Variants in CAMK2A observed in about 807,000 individuals in gnomAD.
CAMK2A encodes calcium/calmodulin-dependent protein kinase type II subunit alpha.
A neutral mutation model predicts 79.2 loss-of-function variants in CAMK2A; 7 were observed. That is an observed-to-expected ratio of 0.09 (90% CI 0.05 to 0.17). The LOEUF (loss-of-function observed/expected upper bound fraction) is 0.17. Ranked by LOEUF, CAMK2A falls within the 10% of genes least tolerant of loss-of-function variation. The pLI is 1.00. For missense variants in CAMK2A, 214 were observed against 646.4 expected, an observed-to-expected ratio of 0.33 and a Z score of 7.25; for synonymous variants, 242 against 251.7, an observed-to-expected ratio of 0.96 and a Z score of 0.36.
At chr5:150,245,225 G>T (rs766130269) in intron 12 of CAMK2A, 24 bp from the exon 13 acceptor site, 4 of 1,612,944 alleles carry the variant, frequency 2.5e-6, no homozygotes, top group Non-Finnish European at 2.5e-6. Flanking sequence ...AAAGTAGAGG[G>T]TTAACAACGC....
At chr5:150,254,196 G>T (rs895209081) in intron 6 of CAMK2A, among the ~76,000 whole-genome samples, 1 of 152,114 alleles carries the variant, frequency 6.6e-6, no homozygotes, top group African/African-American at 2.4e-5. Flanking sequence ...CTGTGTCTTT[G>T]CTCCTGTTGT....
At chr5:150,286,986 G>A (rs141255024) in intron 1 of CAMK2A, among the ~76,000 whole-genome samples, 417 of 152,352 alleles carry the variant, frequency 2.7e-3, no homozygotes, top group Non-Finnish European at 4.8e-3. Flanking sequence ...ACAGGTGGGG[G>A]TAAAGAGGTA....
chr5:150,270,669 G>A (rs1756711898), intron 2 of CAMK2A, among the ~76,000 whole-genome samples: 1 of 151,618 alleles, frequency 6.6e-6, no homozygotes, highest in Non-Finnish European at 1.5e-5. Context: ...CTCTCCCGCT[G>A]GGAAGAAAAG....
Position 150,284,665 on chromosome 5 carries a change from AC to A in CAMK2A, c.62+4898del, listed in dbSNP as rs1757351111. 6.6e-6 allele frequency among the ~76,000 whole-genome samples: 1 copy of A among 152,042 alleles called. No homozygotes were observed. Among genetic ancestry groups the A allele is most frequent in the Admixed American group, 6.5e-5 (1 of 15,286 alleles). On this transcript the variant is annotated intron_variant, in intron 1 of 18. Coordinates refer to ENST00000671881, the MANE Select transcript of CAMK2A (RefSeq NM_015981.4). This position sits in a 1 kb window ranked among gnomAD's most constrained non-coding sequence, Gnocchi z 5.3. The stretch of plus-strand genomic sequence containing the variant: ...AGCTCGTCCCTTCCCTGTTCCTGCC[AC>A]CCTTTCCTTGAGGTCCTGCCCCTCA...
chr5:150,257,647 G>A (rs1047685582), intron 3 of CAMK2A, 30 bp from the exon 4 acceptor site: 3 of 1,543,984 alleles, frequency 1.9e-6, no homozygotes, highest in Middle Eastern at 1.7e-4. Context: ...GTTGGTTACA[G>A]TGGGACACAC....
intron 1 of CAMK2A, among the ~76,000 whole-genome samples, chr5:150,276,792 G>A (rs529754009): frequency 6.6e-6 from 1 of 152,280 alleles, no homozygotes; most frequent in African/African-American, 2.4e-5. Flanking sequence ...GTGGATGGAG[G>A]GATAGAGGAA....
Position 150,228,291 on chromosome 5 carries a change from G to C in CAMK2A, c.1143-5C>G, listed in dbSNP as rs755573671. ...ATGCCAGGGTCGCACATCTTCCTGGGGGAAAGAAGCCAGAGGGAAGAGGGA... is the reference window on the plus strand; with the variant it reads ...ATGCCAGGGTCGCACATCTTCCTGGCGGAAAGAAGCCAGAGGGAAGAGGGA... On this transcript the variant is annotated splice_polypyrimidine_tract_variant and splice_region_variant and intron_variant, in intron 16 of 18. Coordinates refer to ENST00000671881, the MANE Select transcript of CAMK2A (RefSeq NM_015981.4). 1 of 1,611,698 alleles carries C rather than the reference G, an allele frequency of 6.2e-7. No homozygotes were observed. The highest frequency in any genetic ancestry group is 8.5e-7 in the Non-Finnish European group (1 of 1,178,332).
At chr5:150,249,948 CT>C (rs1755757116) in intron 11 of CAMK2A, among the ~76,000 whole-genome samples, 4 of 152,212 alleles carry the variant, frequency 2.6e-5, no homozygotes, top group Admixed American at 2.6e-4. Context: ...CATTGTCCTG[CT>C]GCATTCTGCC....
rs146936266 is a variant in CAMK2A, at chr5:150,284,410, C to T, written c.62+5154G>A. Among the ~76,000 whole-genome samples, 870 of 152,210 alleles carry T rather than the reference C, an allele frequency of 5.7e-3. 5 individuals carry two copies. Among genetic ancestry groups the T allele is most frequent in the Non-Finnish European group, 9.2e-3 (627 of 67,998 alleles). On this transcript the variant is annotated intron_variant, in intron 1 of 18. Transcript: ENST00000671881. This position sits in a 1 kb window ranked among gnomAD's most constrained non-coding sequence, Gnocchi z 5.3. ...GCGAGTGTTGCACTCCGAGGCTCTGCCCTCACCCCACAGAGAGGGCCATGG... is the reference window on the plus strand; with the variant it reads ...GCGAGTGTTGCACTCCGAGGCTCTGTCCTCACCCCACAGAGAGGGCCATGG...
At chr5:150,247,213 G>T (rs889965998) in intron 12 of CAMK2A, among the ~76,000 whole-genome samples, 1 of 152,246 alleles carries the variant, frequency 6.6e-6, no homozygotes, top group African/African-American at 2.4e-5. Context: ...ACTTGCCCTG[G>T]GTTTGGTCAA....
At chr5:150,254,539 G>T (rs1755971041) in intron 6 of CAMK2A, among the ~76,000 whole-genome samples, 1 of 152,164 alleles carries the variant, frequency 6.6e-6, no homozygotes, top group Admixed American at 6.5e-5. Flanking sequence ...GCCAGCAGCT[G>T]ACTTGGGAAG....
chr5:150,276,493 G>A (rs1756950577), intron 1 of CAMK2A, among the ~76,000 whole-genome samples: 1 of 152,228 alleles, frequency 6.6e-6, no homozygotes. Context: ...AGTCATCTAA[G>A]GAAGGTGGGG....
chr5:150,285,962 T>C (rs558991959), intron 1 of CAMK2A, among the ~76,000 whole-genome samples: 1 of 152,174 alleles, frequency 6.6e-6, no homozygotes, highest in South Asian at 2.1e-4. Flanking sequence ...CCCTGGGCCA[T>C]CTGCTGCATC....
At chr5:150,231,276 G>A (rs751150339) in intron 16 of CAMK2A, 29 bp downstream of exon 16, 9 of 1,400,630 alleles carry the variant, frequency 6.4e-6, no homozygotes, top group Non-Finnish European at 8.9e-6. Context: ...ATCCAGGCAG[G>A]ACATGCAGAA....
chr5:150,253,422 T>G, intron 7 of CAMK2A, 22 bp downstream of exon 7: 1 of 1,583,516 alleles, frequency 6.3e-7, no homozygotes, highest in Non-Finnish European at 8.7e-7. Flanking sequence ...CCCCAACACT[T>G]CTGCCAGCCC....
intron 1 of CAMK2A, among the ~76,000 whole-genome samples, chr5:150,283,199 C>T (rs1207975156): frequency 6.6e-6 from 1 of 152,190 alleles, no homozygotes; most frequent in African/African-American, 2.4e-5. Context: ...GACCCAGCAT[C>T]TGGAAATTGG....
chr5:150,270,048 G>A (rs1756676404), intron 2 of CAMK2A, among the ~76,000 whole-genome samples: 3 of 152,220 alleles, frequency 2.0e-5, no homozygotes, highest in Admixed American at 2.0e-4. Flanking sequence ...AGCTGCACCA[G>A]CCTCATGCAT....
At chr5:150,228,706 G>A (rs904247950) in intron 16 of CAMK2A, among the ~76,000 whole-genome samples, 2 of 152,258 alleles carry the variant, frequency 1.3e-5, no homozygotes, top group South Asian at 2.1e-4. Flanking sequence ...CTGTGGGGTC[G>A]GGATGGGGGA....
chr5:150,240,266 G>C (rs1755279724), intron 13 of CAMK2A, among the ~76,000 whole-genome samples: 3 of 152,204 alleles, frequency 2.0e-5, no homozygotes, highest in Non-Finnish European at 4.4e-5. Context: ...TGAGGAGTTT[G>C]ATAACTAGGT....
Sources: allele counts gnomAD v4.1 joint callset (sites outside exome capture counted in the v4.1 genomes callset), GRCh38; gene constraint gnomAD v4.1.1; non-coding constraint Gnocchi (gnomAD v3.1); transcripts MANE v1.5; gene names NCBI Gene and HGNC (gene_info 2026-07-23, HGNC 2026-07-21).